The following DNM3 variants were observed in gnomAD, a reference collection of about 807,000 sequenced individuals.
The protein encoded by DNM3 is dynamin 3.
In DNM3, 47 loss-of-function variants were observed where a neutral mutation model predicts 101.6. The ratio of observed to expected loss-of-function variants is 0.46; its 90% CI spans 0.37 to 0.59. The LOEUF (loss-of-function observed/expected upper bound fraction) is 0.59. Ranked by LOEUF, DNM3 falls within the 20% of genes least tolerant of loss-of-function variation. DNM3 has a pLI of 0.00. For synonymous variants in DNM3, 385 were observed against 387.9 expected (o/e 0.99, Z 0.09); for missense variants, 849 against 1,085.7 (o/e 0.78, Z 3.06).
At chr1:172,091,578 A>G (rs964029007) in intron 12 of DNM3, among the ~76,000 whole-genome samples, 4 of 152,170 alleles carry the variant, frequency 2.6e-5, no homozygotes, top group African/African-American at 9.7e-5. Context: ...TGGGTTTGAA[A>G]AAGAGCAGAT....
chr1:172,392,889 C>T (rs2069648596), intron 20 of DNM3, among the ~76,000 whole-genome samples: 1 of 152,092 alleles, frequency 6.6e-6, no homozygotes, highest in Admixed American at 6.5e-5. Context: ...GGTTTTACTC[C>T]AGCTCATCAA....
intron 14 of DNM3, among the ~76,000 whole-genome samples, chr1:172,226,690 G>A (rs1224065439): frequency 6.6e-6 from 1 of 152,220 alleles, no homozygotes; most frequent in East Asian, 1.9e-4. Context: ...AGTACAATAA[G>A]CACTCAACCA....
At chr1:172,340,878 G>T (rs1280647328) in intron 17 of DNM3, among the ~76,000 whole-genome samples, 1 of 152,178 alleles carries the variant, frequency 6.6e-6, no homozygotes, top group African/African-American at 2.4e-5. Flanking sequence ...CTTGTCTTCT[G>T]CTGGTTTTCA....
At chr1:172,006,668 G>A (rs1028816526) in intron 4 of DNM3, among the ~76,000 whole-genome samples, 13 of 151,894 alleles carry the variant, frequency 8.6e-5, no homozygotes, top group Non-Finnish European at 1.6e-4. Context: ...TTACCTTGAG[G>A]CTACCTGAGA....
chr1:171,994,295 C>T (rs1242798881), intron 4 of DNM3, among the ~76,000 whole-genome samples: 2 of 152,088 alleles, frequency 1.3e-5, no homozygotes, highest in East Asian at 1.9e-4. Flanking sequence ...TATTTGGTTA[C>T]TAATTTTCAT....
intron 17 of DNM3, among the ~76,000 whole-genome samples, chr1:172,347,471 A>C (rs376041508): frequency 7.1e-4 from 108 of 152,306 alleles, no homozygotes; most frequent in African/African-American, 2.6e-3. Flanking sequence ...GTATGAGAAG[A>C]AAAGATCAAG....
intron 1 of DNM3, among the ~76,000 whole-genome samples, chr1:171,878,262 A>G (rs906033925): frequency 6.6e-6 from 1 of 152,142 alleles, no homozygotes; most frequent in Non-Finnish European, 1.5e-5. Flanking sequence ...ATTTTTCTCT[A>G]TAGATCATAA....
intron 17 of DNM3, among the ~76,000 whole-genome samples, chr1:172,373,757 A>T (rs2149043677): frequency 6.6e-6 from 1 of 152,176 alleles, no homozygotes; most frequent in South Asian, 2.1e-4. Flanking sequence ...TCAATTTCAG[A>T]AGAATGAGAG....
chr1:171,967,922 T>C (rs2043704116), intron 2 of DNM3, among the ~76,000 whole-genome samples: 1 of 152,222 alleles, frequency 6.6e-6, no homozygotes, highest in Non-Finnish European at 1.5e-5. Flanking sequence ...TTGAGTCTCA[T>C]ACTTTGTATA....
At chr1:172,128,603 T>C (rs1223047667) in intron 13 of DNM3, among the ~76,000 whole-genome samples, 1 of 152,248 alleles carries the variant, frequency 6.6e-6, no homozygotes, top group Non-Finnish European at 1.5e-5. Context: ...ATAATTGTTT[T>C]AAATTAATGA....
chr1:172,034,712 C>A (rs2048838230), intron 6 of DNM3, among the ~76,000 whole-genome samples: 1 of 151,670 alleles, frequency 6.6e-6, no homozygotes, highest in African/African-American at 2.4e-5. Flanking sequence ...GTATGTGTAC[C>A]AATACTTCTG....
chr1:172,257,498 A>C (rs918451224), intron 15 of DNM3, among the ~76,000 whole-genome samples: 24 of 152,042 alleles, frequency 1.6e-4, no homozygotes, highest in Non-Finnish European at 2.9e-5. Flanking sequence ...AGCCCTCTTC[A>C]TTCCTAATAA....
intron 4 of DNM3, among the ~76,000 whole-genome samples, chr1:172,003,611 G>A (rs1004468407): frequency 6.6e-6 from 1 of 150,908 alleles, no homozygotes; most frequent in African/African-American, 2.4e-5. Flanking sequence ...CATTTCTTGA[G>A]TGGCTGCCAG....
At chr1:172,143,772 C>G (rs774020485) in intron 14 of DNM3, among the ~76,000 whole-genome samples, 1 of 152,010 alleles carries the variant, frequency 6.6e-6, no homozygotes, top group Admixed American at 6.6e-5. Flanking sequence ...GGTTTTTATT[C>G]CCTGATTTAC....
chr1:171,994,408 G>C (rs1432374542), intron 4 of DNM3, among the ~76,000 whole-genome samples: 1 of 152,012 alleles, frequency 6.6e-6, no homozygotes, highest in East Asian at 1.9e-4. Flanking sequence ...TTAAATACTA[G>C]AGTCAGTAAA....
At chr1:172,229,373 A>G (rs2061249939) in intron 14 of DNM3, among the ~76,000 whole-genome samples, 1 of 152,178 alleles carries the variant, frequency 6.6e-6, no homozygotes, top group African/African-American at 2.4e-5. Flanking sequence ...AATCTGAGAA[A>G]GTCAGTAAGA....
At chr1:172,050,740 G>T (rs373199986) in intron 10 of DNM3, among the ~76,000 whole-genome samples, 17 of 152,168 alleles carry the variant, frequency 1.1e-4, no homozygotes, top group African/African-American at 3.4e-4. Context: ...GAAGGATGTG[G>T]TTTATGTAAG....
At chr1:171,936,955 G>A (rs2041472452) in intron 2 of DNM3, among the ~76,000 whole-genome samples, 1 of 50,316 alleles carries the variant, frequency 2.0e-5, no homozygotes, top group African/African-American at 7.6e-5. Context: ...GGCAGACTGA[G>A]CAAAAGGGAA....
chr1:171,851,712 C>A lies in DNM3; in HGVS notation c.161+9895C>A, dbSNP rs116759856. On this transcript the variant is annotated intron_variant, in intron 1 of 20. Coordinates refer to ENST00000627582, the MANE Select transcript of DNM3 (RefSeq NM_015569.5). ...TATAGGCGTGAGCCACTGCACCCGACCTGAACAGTGCTTTTTAAACTGTAG... is the reference window on the plus strand; with the variant it reads ...TATAGGCGTGAGCCACTGCACCCGAACTGAACAGTGCTTTTTAAACTGTAG... 3.3e-3 allele frequency among the ~76,000 whole-genome samples: 504 copies of A among 152,352 alleles called. 2 individuals carry two copies. The highest frequency in any genetic ancestry group is 3.9e-3 in the Non-Finnish European group (264 of 68,034).
Sources: gnomAD v4.1 joint callset for allele counts (sites outside exome capture counted in the v4.1 genomes callset) on GRCh38, gnomAD v4.1.1 for gene constraint, MANE v1.5 for transcripts, NCBI Gene and HGNC (gene_info 2026-07-23, HGNC 2026-07-21) for gene names.